The following GAB4 variants were observed in gnomAD, a reference collection of about 807,000 sequenced individuals.
The protein encoded by GAB4 is GRB2-associated-binding protein 4.
In GAB4, 26 loss-of-function variants were observed where a neutral mutation model predicts 51.3. That is an observed-to-expected ratio of 0.51 (90% CI 0.37 to 0.70). The LOEUF (loss-of-function observed/expected upper bound fraction) is 0.70. GAB4 is among the 30% of genes least tolerant of loss of function. The pLI, the probability that GAB4 is intolerant of heterozygous loss-of-function variation, is 0.00. For synonymous variants in GAB4, 329 were observed against 291.2 expected, an observed-to-expected ratio of 1.13 and a Z score of -1.32; for missense variants, 759 against 734.6, an observed-to-expected ratio of 1.03 and a Z score of -0.38.
At chr22:16,978,992 T>TA (rs1315560722) in intron 3 of GAB4, among the ~76,000 whole-genome samples, 1 of 152,182 alleles carries the variant, frequency 6.6e-6, no homozygotes, top group Admixed American at 6.5e-5. Flanking sequence ...CCCTTCGTGC[T>TA]AAAAAATCTC....
intron 5 of GAB4, chr22:16,966,891 G>A (rs2060680511): frequency 6.3e-6 from 1 of 157,508 alleles, no homozygotes; most frequent in Non-Finnish European, 1.4e-5. Flanking sequence ...AACCATCAGG[G>A]AGACTAAGTC....
intron 6 of GAB4, among the ~76,000 whole-genome samples, chr22:16,965,718 T>C (rs915837720): frequency 6.6e-6 from 1 of 152,214 alleles, no homozygotes; most frequent in African/African-American, 2.4e-5. Flanking sequence ...TCTGGTTCCC[T>C]GTGGCCAGAC....
At chr22:16,969,821 C>A (rs916793827) in intron 4 of GAB4, 122 bp downstream of exon 4, 11 of 1,225,234 alleles carry the variant, frequency 9.0e-6, no homozygotes, top group Non-Finnish European at 1.3e-5. Context: ...TCTTGTCTAA[C>A]GTGACTGTCC....
chr22:16,965,589 T>A (rs962214427), intron 6 of GAB4, among the ~76,000 whole-genome samples: 1 of 152,186 alleles, frequency 6.6e-6, no homozygotes, highest in Non-Finnish European at 1.5e-5. Context: ...ACAGACACAA[T>A]GTTTGAAATG....
intron 4 of GAB4, chr22:16,969,730 G>A (rs766763376): frequency 5.9e-5 from 40 of 675,876 alleles, no homozygotes; most frequent in Non-Finnish European, 9.4e-5. Flanking sequence ...CTGCCCCACT[G>A]ACATGCTTCT....
chr22:16,983,130 C>T (rs762881075), intron 3 of GAB4, among the ~76,000 whole-genome samples: 2 of 152,148 alleles, frequency 1.3e-5, no homozygotes, highest in Non-Finnish European at 2.9e-5. Flanking sequence ...AAAGAAAATG[C>T]TAAACCGTCA....
intron 5 of GAB4, 184 bp from the exon 6 acceptor site, chr22:16,966,548 G>A (rs5746947): frequency 0.72 from 452,950 of 626,490 alleles, 164,756 homozygotes; most frequent in East Asian, 0.83. Context: ...CCCCAGCCAG[G>A]AACCCCATGG....
At chr22:16,984,638 G>A (rs2060853111) in intron 3 of GAB4, among the ~76,000 whole-genome samples, 1 of 152,214 alleles carries the variant, frequency 6.6e-6, no homozygotes, top group Admixed American at 6.5e-5. Flanking sequence ...GGTTTCTGCA[G>A]GAAATCAAGC....
rs373947928 is a variant in GAB4, at chr22:16,988,056, G to A, written c.590C>T (p.Pro197Leu). Residue 197 changes from proline to leucine, a missense_variant, in exon 3 of 10, where the codon CCG becomes CTG. Pro to Leu is a moderately conservative substitution (Grantham distance 98). Transcript: ENST00000400588. ...GGTGGGCGGCACACAGTGAGACACC[G>A]GGGGCTCAGATGTGGGTTCTTGTTC... is the stretch of plus-strand genomic sequence containing the variant. ...PQEQEPTSEP[P>L]VSHCVPPTWP... 6.4e-5 allele frequency: 103 copies of A among 1,606,928 alleles called. 2 individuals carry two copies. In the South Asian group the frequency reaches 7.3e-4, roughly 11 times the overall value.
intron 3 of GAB4, among the ~76,000 whole-genome samples, chr22:16,984,347 G>C (rs964498636): frequency 6.6e-6 from 1 of 152,230 alleles, no homozygotes; most frequent in Admixed American, 6.5e-5. Context: ...TATACTCTTT[G>C]TAGGAATGTA....
chr22:16,968,507 A>C, intron 4 of GAB4, 124 bp from the exon 5 acceptor site: 1 of 705,832 alleles, frequency 1.4e-6, no homozygotes, highest in Non-Finnish European at 2.6e-6. Flanking sequence ...TCAACCCCAA[A>C]TGACAAAGCG....
In GAB4 at chr22:16,968,501, C is replaced by T. The variant is rs1490932241; in HGVS notation, c.938-118G>A. On this transcript the variant is annotated intron_variant, in intron 4 of 9. Coordinates refer to ENST00000400588, the MANE Select transcript of GAB4 (RefSeq NM_001037814.1). ...ATGCTCTAGAGGACACGACTCTCAACCCCAAATGACAAAGCGTTACCTCTA... is the reference window on the plus strand; with the variant it reads ...ATGCTCTAGAGGACACGACTCTCAATCCCAAATGACAAAGCGTTACCTCTA... The T allele has an allele frequency of 2.1e-5, 15 of 727,394 alleles. No individual in the cohort carries two copies. The Admixed American group carries it at 3.0e-4, about 14-fold the overall frequency. 45.1% of individuals were successfully genotyped at this position (727,394 alleles called of 1,614,324 possible). A position where few individuals can be genotyped will look rare whatever the true frequency, so the allele number is the denominator to read the frequency against.
At position 16,969,933 on chromosome 22, in the gene GAB4, G is replaced by A. The variant is rs1311685473; in HGVS notation, c.937+10C>T. 6.2e-7 allele frequency: 1 copy of A among 1,614,034 alleles called. No homozygotes were observed. The highest frequency in any genetic ancestry group is 1.7e-5 in the Admixed American group (1 of 60,026). On this transcript the variant is annotated intron_variant, in intron 4 of 9. Transcript: ENST00000400588. ...CAGGGTGCTTCTGGGTGCCTTGAAG[G>A]GGTACACACCCTCATTATCCGCCTC...
chr22:17,003,891 T>G (rs1422224629), intron 1 of GAB4, among the ~76,000 whole-genome samples: 8 of 151,956 alleles, frequency 5.3e-5, no homozygotes, highest in African/African-American at 1.9e-4. Context: ...TAGGAGCTGT[T>G]TTTTAAAAAA....
In GAB4 at chr22:17,007,933, C is replaced by CG. The variant is rs11378060; in HGVS notation, c.174+7_174+8insC. Reference sequence around the variant, plus strand: ...CGCTCCTGGTACCGCCCCCACTGCCCCACTCACAAAGAGCCTCAGCTTCTT... The same window carrying CG: ...CGCTCCTGGTACCGCCCCCACTGCCCGCACTCACAAAGAGCCTCAGCTTCTT... On this transcript the variant is annotated splice_region_variant and intron_variant, in intron 1 of 9. Transcript: ENST00000400588. 0.78 allele frequency: 1,227,954 copies of CG among 1,581,342 alleles called. 479,251 individuals carry two copies. Among genetic ancestry groups the CG allele is most frequent in the African/African-American group, 0.96 (71,383 of 74,250 alleles).
chr22:16,969,799 TGGCATAGA>T, intron 4 of GAB4, 136 bp downstream of exon 4: 1 of 1,029,564 alleles, frequency 9.7e-7, no homozygotes, highest in Non-Finnish European at 1.5e-6. Context: ...GCCACCACCA[TGGCATAGA>T]GGTTCTTGTC....
intron 1 of GAB4, 87 bp from the exon 2 acceptor site, chr22:16,992,263 G>A (rs2060920326): frequency 8.4e-7 from 1 of 1,193,246 alleles, no homozygotes; most frequent in East Asian, 2.4e-5. Context: ...TTAAGGATGG[G>A]ACTCGGACCT....
At chr22:16,971,033 C>CAA (rs559151212) in intron 3 of GAB4, among the ~76,000 whole-genome samples, 1 of 126,104 alleles carries the variant, frequency 7.9e-6, no homozygotes, top group African/African-American at 2.9e-5. Flanking sequence ...CTGTCTCTTC[C>CAA]AAAAAAAAAA....
intron 3 of GAB4, among the ~76,000 whole-genome samples, chr22:16,974,696 A>G (rs1348486581): frequency 6.6e-6 from 1 of 152,212 alleles, no homozygotes; most frequent in Non-Finnish European, 1.5e-5. Flanking sequence ...AAACACTTTA[A>G]AAACCTAAAT....
Sources: gnomAD v4.1 joint callset for allele counts (sites outside exome capture counted in the v4.1 genomes callset) on GRCh38, gnomAD v4.1.1 for gene constraint, MANE v1.5 for transcripts, NCBI Gene and HGNC (gene_info 2026-07-23, HGNC 2026-07-21) for gene names.